Variants in PAPSS2 observed in about 807,000 individuals in gnomAD.
PAPSS2 encodes the protein bifunctional 3'-phosphoadenosine 5'-phosphosulfate synthase 2.
A neutral mutation model predicts 66.5 loss-of-function variants in PAPSS2; 61 were observed. That is an observed-to-expected ratio of 0.92 (90% confidence interval 0.75 to 1.14). PAPSS2 has a LOEUF of 1.14. PAPSS2 is among the 50% of genes most tolerant of loss of function. The pLI is 0.00. For missense variants in PAPSS2, 708 were observed against 789.6 expected (o/e 0.90, Z 1.24); for synonymous variants, 289 against 287.5 (o/e 1.01, Z -0.05).
chr10:87,680,269 G>A (rs1853002970), intron 1 of PAPSS2, among the ~76,000 whole-genome samples: 1 of 152,130 alleles, frequency 6.6e-6, no homozygotes, highest in Non-Finnish European at 1.5e-5. Context: ...AGCACTGGAG[G>A]GAGCCTTCCT....
At chr10:87,660,118 GGA>G in intron 1 of PAPSS2, 110 bp downstream of exon 1, 5 of 1,105,304 alleles carry the variant, frequency 4.5e-6, no homozygotes, top group Non-Finnish European at 6.8e-6. Flanking sequence ...GGGGGCGTCG[GGA>G]GGAGGAGTAA....
Position 87,714,767 on chromosome 10 carries a change from T to C in PAPSS2, c.543T>C (p.Asp181=). Residue 181 remains aspartate, a synonymous_variant, in exon 5 of 13, where the codon GAT becomes GAC. Coordinates refer to ENST00000456849, the MANE Select transcript of PAPSS2 (RefSeq NM_001015880.2). ...CAGGATTTACAGGTATTGATTCTGATTATGAGAAACCTGAAACTCCTGAGC... is the reference window on the plus strand; with the variant it reads ...CAGGATTTACAGGTATTGATTCTGACTATGAGAAACCTGAAACTCCTGAGC... ...EIKGFTGIDS[D]YEKPETPERV... The C allele has an allele frequency of 6.2e-7, 1 of 1,608,288 alleles. No individual in the cohort carries two copies. The highest frequency in any genetic ancestry group is 1.7e-4 in the Middle Eastern group (1 of 6,042).
intron 7 of PAPSS2, among the ~76,000 whole-genome samples, chr10:87,717,321 A>G (rs575273890): frequency 6.6e-6 from 1 of 152,340 alleles, no homozygotes; most frequent in South Asian, 2.1e-4. Flanking sequence ...ATTACAGACA[A>G]CAAGGTGCTG....
rs372218420 is a variant in PAPSS2 at position 87,704,554 on chromosome 10, A to T, written c.28-4642A>T. ...TCTAGTATGTTGGGATTGGGATCAG[A>T]GTCTTTTTCCATAAATGCAGCAGCA... On this transcript the variant is annotated intron_variant, in intron 1 of 12. Coordinates refer to ENST00000456849, the MANE Select transcript of PAPSS2 (RefSeq NM_001015880.2). Among the ~76,000 whole-genome samples the T allele has an allele frequency of 4.6e-5, 7 of 152,104 alleles. No homozygotes were observed. In the East Asian group the frequency reaches 9.7e-4, roughly 21 times the overall value.
chr10:87,709,346 C>T (rs1564719855), intron 2 of PAPSS2, 33 bp downstream of exon 2: 6 of 1,045,962 alleles, frequency 5.7e-6, no homozygotes, highest in Non-Finnish European at 8.7e-6. Flanking sequence ...TATATATATA[C>T]AAATTGCAAA....
At chr10:87,665,138 C>G (rs1852798881) in intron 1 of PAPSS2, among the ~76,000 whole-genome samples, 1 of 152,028 alleles carries the variant, frequency 6.6e-6, no homozygotes, top group African/African-American at 2.4e-5. Flanking sequence ...ACTTTGTTTT[C>G]AGAGAGGATT....
At chr10:87,732,875 A>C (rs1360696568) in intron 9 of PAPSS2, among the ~76,000 whole-genome samples, 1 of 152,198 alleles carries the variant, frequency 6.6e-6, no homozygotes, top group Non-Finnish European at 1.5e-5. Context: ...GACTCGATAA[A>C]CATTCCCAGG....
intron 9 of PAPSS2, among the ~76,000 whole-genome samples, chr10:87,730,535 C>G (rs1383386503): frequency 6.6e-6 from 1 of 152,130 alleles, no homozygotes; most frequent in Non-Finnish European, 1.5e-5. Context: ...AAGAGAAGGC[C>G]CTTAGAGAAA....
intron 9 of PAPSS2, among the ~76,000 whole-genome samples, chr10:87,731,579 G>A (rs571124603): frequency 6.6e-6 from 1 of 152,330 alleles, no homozygotes; most frequent in South Asian, 2.1e-4. Flanking sequence ...TTCTGGAAGG[G>A]ATTCACCATT....
At chr10:87,703,425 G>T (rs1023337189) in intron 1 of PAPSS2, among the ~76,000 whole-genome samples, 8 of 152,030 alleles carry the variant, frequency 5.3e-5, no homozygotes, top group African/African-American at 1.9e-4. Context: ...AAACCTGGGT[G>T]ATTTAGAATT....
Position 87,746,140 on chromosome 10 carries a change from TATAC to T in PAPSS2, c.*176_*179del, listed in dbSNP as rs1853937260. The stretch of plus-strand genomic sequence containing the variant: ...AAATATATATATATACACACACACA[TATAC>T]ATACAAAGTCAAACTGAAGACCAAA... On this transcript the variant is annotated 3_prime_UTR_variant, in exon 13 of 13. Transcript: ENST00000456849. 3.0e-5 allele frequency: 15 copies of T among 505,866 alleles called. No homozygotes were observed. The East Asian group carries it at 5.6e-4, about 19-fold the overall frequency. The allele number at this position is 505,866 out of a possible 1,614,324, so 31.3% of individuals were successfully genotyped here.
intron 1 of PAPSS2, among the ~76,000 whole-genome samples, chr10:87,699,374 C>T (rs535999955): frequency 1.3e-5 from 2 of 152,324 alleles, no homozygotes; most frequent in African/African-American, 4.8e-5. Flanking sequence ...CTGCAGCCTC[C>T]TGGGCTCGAG....
At chr10:87,666,588 G>C (rs1852818722) in intron 1 of PAPSS2, among the ~76,000 whole-genome samples, 1 of 152,088 alleles carries the variant, frequency 6.6e-6, no homozygotes, top group Admixed American at 6.5e-5. Context: ...GACATCCTTA[G>C]AGATGTGCAT....
chr10:87,689,607 C>A (rs1425204175), intron 1 of PAPSS2, among the ~76,000 whole-genome samples: 1 of 133,052 alleles, frequency 7.5e-6, no homozygotes, highest in Admixed American at 8.4e-5. Context: ...TGGAGGTTTG[C>A]GGTGAGCCGA....
At chr10:87,713,686 C>T (rs994595532) in intron 3 of PAPSS2, among the ~76,000 whole-genome samples, 6 of 152,178 alleles carry the variant, frequency 3.9e-5, no homozygotes, top group Admixed American at 6.5e-5. Context: ...GCCAAAGCTT[C>T]GGGTTCTATG....
intron 7 of PAPSS2, among the ~76,000 whole-genome samples, chr10:87,719,009 G>T (rs551053637): frequency 2.6e-5 from 4 of 152,092 alleles, no homozygotes; most frequent in African/African-American, 9.7e-5. Context: ...TTATCTGCTG[G>T]TTCCACCATC....
At position 87,665,297 on chromosome 10, in the gene PAPSS2, C is replaced by T. The variant is rs189598354; in HGVS notation, c.27+5289C>T. On this transcript the variant is annotated intron_variant, in intron 1 of 12. Transcript: ENST00000456849. Reference sequence around the variant, plus strand: ...CGTGATCTCAGCTCACTGCAAGTTCCGCCTTCCGGGTTCACGCCATTCTTC... The same window carrying T: ...CGTGATCTCAGCTCACTGCAAGTTCTGCCTTCCGGGTTCACGCCATTCTTC... Among the ~76,000 whole-genome samples the T allele has an allele frequency of 4.6e-5, 7 of 152,156 alleles. No individual in the cohort carries two copies. The East Asian group carries it at 9.7e-4, about 21-fold the overall frequency.
intron 1 of PAPSS2, among the ~76,000 whole-genome samples, chr10:87,671,498 G>A (rs1233052178): frequency 3.3e-5 from 5 of 152,204 alleles, no homozygotes; most frequent in Non-Finnish European, 7.3e-5. Flanking sequence ...GTTCTAGTGG[G>A]TGAATGCATA....
intron 1 of PAPSS2, chr10:87,704,134 T>G (rs1226911615): frequency 2.4e-6 from 1 of 424,554 alleles, no homozygotes; most frequent in East Asian, 7.0e-5. Flanking sequence ...TCAAGGGTGA[T>G]TTTGAAATAA....
Sources: allele counts gnomAD v4.1 joint callset (sites outside exome capture counted in the v4.1 genomes callset), GRCh38; gene constraint gnomAD v4.1.1; transcripts MANE v1.5; gene names NCBI Gene and HGNC (gene_info 2026-07-23, HGNC 2026-07-21).